Variants in ALDH1L1 observed in about 807,000 individuals in gnomAD.
ALDH1L1 encodes the protein cytosolic 10-formyltetrahydrofolate dehydrogenase.
ALDH1L1 carries 68 observed loss-of-function variants against 101.1 expected under a neutral mutation model. The observed-to-expected ratio is 0.67, with a 90% CI of 0.55 to 0.82. The LOEUF (loss-of-function observed/expected upper bound fraction) is 0.82. ALDH1L1 is among the 40% of genes least tolerant of loss of function. The pLI, the probability that ALDH1L1 is intolerant of heterozygous loss-of-function variation, is 0.00. For synonymous variants in ALDH1L1, 486 were observed against 470.8 expected (o/e 1.03, Z -0.42); for missense variants, 1,087 against 1,172.7 (o/e 0.93, Z 1.07).
intron 7 of ALDH1L1, chr3:126,153,145 C>T (rs776308659): frequency 3.2e-5 from 14 of 444,378 alleles, no homozygotes; most frequent in Non-Finnish European, 4.6e-5. Context: ...GGGAGGGCTT[C>T]TCTCTGATTC....
chr3:126,121,963 T>C (rs1222706812), intron 16 of ALDH1L1, among the ~76,000 whole-genome samples: 1 of 152,132 alleles, frequency 6.6e-6, no homozygotes, highest in Non-Finnish European at 1.5e-5. Flanking sequence ...ACCGCACTCA[T>C]AAGGGGAAGA....
intron 10 of ALDH1L1, 33 bp from the exon 11 acceptor site, chr3:126,136,916 C>A (rs2080459504): frequency 1.2e-6 from 2 of 1,612,664 alleles, no homozygotes; most frequent in Admixed American, 1.7e-5. Context: ...AAGCACAAAC[C>A]CATGCAGGGT....
At chr3:126,196,417 C>A (rs967172020) in intron 1 of ALDH1L1, among the ~76,000 whole-genome samples, 2 of 149,322 alleles carry the variant, frequency 1.3e-5, no homozygotes, top group African/African-American at 4.9e-5. Context: ...GGGTCTCTGG[C>A]ACCTCTTATT....
intron 22 of ALDH1L1, chr3:126,104,839 C>T: frequency 6.6e-6 from 1 of 152,608 alleles, no homozygotes; most frequent in East Asian, 1.9e-4. Context: ...ATGACCTTCC[C>T]TGTGGTCTCT....
chr3:126,155,038 C>T (rs1260068464), intron 5 of ALDH1L1, among the ~76,000 whole-genome samples: 1 of 152,194 alleles, frequency 6.6e-6, no homozygotes, highest in Non-Finnish European at 1.5e-5. Context: ...GGCTCCTCCA[C>T]TGGCTATTGC....
intron 14 of ALDH1L1, 38 bp downstream of exon 14, chr3:126,130,185 C>T: frequency 6.4e-7 from 1 of 1,565,802 alleles, no homozygotes; most frequent in African/African-American, 1.4e-5. Flanking sequence ...GCATGGAAAG[C>T]ACCGCGAGGC....
Position 126,130,279 on chromosome 3 carries a change from G to A in ALDH1L1, c.1638C>T (p.Pro546=). The A allele has an allele frequency of 6.2e-7, 1 of 1,610,284 alleles. No individual in the cohort carries two copies. Among genetic ancestry groups the A allele is most frequent in the Non-Finnish European group, 8.5e-7 (1 of 1,178,128 alleles). The change falls in exon 14 of 23, where the codon CCC becomes CCT. Residue 546 remains proline, a synonymous_variant. Coordinates refer to ENST00000393434, the MANE Select transcript of ALDH1L1 (RefSeq NM_012190.4). ...WCDKIQGSTI[P]INQARPNRNL... Reference sequence around the variant, plus strand: ...TGCGGTTGGGTCTGGCCTGGTTGATGGGGATGGTGGAGCCCTGGAAGAGGA... The same window carrying A: ...TGCGGTTGGGTCTGGCCTGGTTGATAGGGATGGTGGAGCCCTGGAAGAGGA...
Position 126,136,882 on chromosome 3 carries a change from A to G in ALDH1L1, c.1226T>C (p.Val409Ala). Residue 409 changes from valine (V) to alanine (A), a missense_variant and splice_region_variant, in exon 11 of 23, where the codon GTG becomes GCG. Coordinates refer to ENST00000393434, the MANE Select transcript of ALDH1L1 (RefSeq NM_012190.4). ...DEEGECSIDYVEMAVNKRTVR... is the reference protein window; with the variant it reads ...DEEGECSIDYAEMAVNKRTVR... Reference sequence around the variant, plus strand: ...AGTGCGCTTGTTCACTGCCATTTCCACCTGAAAGAAAGGCCCCAGTGACAA... The same window carrying G: ...AGTGCGCTTGTTCACTGCCATTTCCGCCTGAAAGAAAGGCCCCAGTGACAA... 6.2e-7 allele frequency: 1 copy of G among 1,613,646 alleles called. No individual in the cohort carries two copies. Among genetic ancestry groups the G allele is most frequent in the Non-Finnish European group, 8.5e-7 (1 of 1,179,886 alleles).
chr3:126,109,889 C>T (rs1946019912), intron 20 of ALDH1L1, 55 bp downstream of exon 20: 1 of 1,598,648 alleles, frequency 6.3e-7, no homozygotes, highest in Non-Finnish European at 8.5e-7. Context: ...GAACCAGAGG[C>T]CATGGGACCT....
In ALDH1L1 at chr3:126,157,217, C is replaced by T. The variant is rs2080927518; in HGVS notation, c.528+126G>A. ...CTCTGAAACCTTGAAGTGAGAGCTC[C>T]TCTCCCTCCAGAATCCTGAATTTGG... On this transcript the variant is annotated intron_variant, in intron 4 of 22. Transcript: ENST00000393434. 5 of 1,206,202 alleles carry T rather than the reference C, an allele frequency of 4.1e-6. No homozygotes were observed. The East Asian group carries it at 7.1e-5, about 17-fold the overall frequency. The allele number at this position is 1,206,202 out of a possible 1,614,324, so 74.7% of individuals were successfully genotyped here.
rs1440774439 is a variant in ALDH1L1 at position 126,103,853 on chromosome 3, G to A, written c.2654-7C>T. The A allele has an allele frequency of 1.9e-6, 3 of 1,613,086 alleles. No individual in the cohort carries two copies. In the South Asian group the frequency reaches 3.3e-5, roughly 18 times the overall value. On this transcript the variant is annotated splice_region_variant and splice_polypyrimidine_tract_variant and intron_variant, in intron 22 of 22. Coordinates refer to ENST00000393434, the MANE Select transcript of ALDH1L1 (RefSeq NM_012190.4). ...TCGTTCAGAGCCGCCTCTCCTGTAA[G>A]ACACCACAAAGGTCACAGCAGCTCC...
intron 17 of ALDH1L1, among the ~76,000 whole-genome samples, chr3:126,116,468 C>G (rs568735697): frequency 2.0e-4 from 31 of 152,186 alleles, no homozygotes; most frequent in African/African-American, 7.0e-4. Context: ...ATCTTGCCCC[C>G]CAAACCCTCT....
intron 22 of ALDH1L1, chr3:126,105,080 GGGACCCCGCCTGCTATGTGCCGGT>G (rs528828133): frequency 0.6 from 101,180 of 167,670 alleles, 31,074 homozygotes; most frequent in African/African-American, 0.71. Context: ...TGTGTGCCGG[GGGACCCCGCCTGCTATGTGCCGGT>G]GGACCCCGCC....
intron 22 of ALDH1L1, chr3:126,104,743 GGGGCTTCTGCA>G (rs1945802324): frequency 6.6e-6 from 1 of 152,536 alleles, no homozygotes; most frequent in South Asian, 2.1e-4. Flanking sequence ...GGTACCCTTG[GGGGCTTCTGCA>G]GGGCTTGAAA....
At chr3:126,135,684 G>T in intron 11 of ALDH1L1, 22 bp from the exon 12 acceptor site, 3 of 1,505,640 alleles carry the variant, frequency 2.0e-6, no homozygotes, top group South Asian at 2.6e-5. Context: ...GCAGAGCCAT[G>T]ACAAGTTCTC....
At chr3:126,120,155 G>C (rs1031211384) in intron 16 of ALDH1L1, among the ~76,000 whole-genome samples, 2 of 152,226 alleles carry the variant, frequency 1.3e-5, no homozygotes, top group African/African-American at 4.8e-5. Context: ...GAAAACTTAC[G>C]TCCACACCAA....
chr3:126,148,773 C>T (rs565762767), intron 8 of ALDH1L1, among the ~76,000 whole-genome samples: 11 of 152,178 alleles, frequency 7.2e-5, no homozygotes, highest in South Asian at 4.1e-4. Context: ...TGAATGTGCA[C>T]GGTGAACAAA....
chr3:126,161,648 G>A (rs976388683), intron 1 of ALDH1L1, among the ~76,000 whole-genome samples: 1 of 152,204 alleles, frequency 6.6e-6, no homozygotes, highest in South Asian at 2.1e-4. Flanking sequence ...TTCACCTCAC[G>A]CATATCTGTA....
intron 12 of ALDH1L1, among the ~76,000 whole-genome samples, chr3:126,134,148 C>T (rs62265176): frequency 0.065 from 9,968 of 152,244 alleles, 390 homozygotes; most frequent in Middle Eastern, 0.096. Context: ...CTGCCCCCTC[C>T]GGGACACCTA....
Sources: allele counts gnomAD v4.1 joint callset (sites outside exome capture counted in the v4.1 genomes callset), GRCh38; gene constraint gnomAD v4.1.1; transcripts MANE v1.5; gene names NCBI Gene and HGNC (gene_info 2026-07-23, HGNC 2026-07-21).